The following DPY30 variants were observed in gnomAD, a reference collection of about 807,000 sequenced individuals.
DPY30 encodes the protein dpy-30 histone methyltransferase complex regulatory subunit.
In DPY30, 6 loss-of-function variants were observed where a neutral mutation model predicts 16.2. The observed-to-expected ratio is 0.37, with a 90% CI of 0.20 to 0.73. DPY30 has a LOEUF of 0.73. Among genes scored for constraint, DPY30 ranks in the 30% least tolerant of loss-of-function variants. DPY30 has a pLI of 0.51. For synonymous variants in DPY30, 39 were observed against 38.8 expected, an observed-to-expected ratio of 1.00 and a Z score of -0.02; for missense variants, 73 against 113.1, an observed-to-expected ratio of 0.65 and a Z score of 1.61.
At chr2:32,022,127 T>C (rs566460540), downstream of DPY30, among the ~76,000 whole-genome samples, 1 of 151,956 alleles carries the variant, frequency 6.6e-6, no homozygotes, top group South Asian at 2.1e-4. Flanking sequence ...GGAGAATCAC[T>C]TGAGCCTGGG....
Position 32,039,424 on chromosome 2 carries a change from C to T in DPY30, c.33G>A (p.Thr11=), listed in dbSNP as rs1362117176. 1 of 1,614,164 alleles carries T rather than the reference C, an allele frequency of 6.2e-7. No homozygotes were observed. Among genetic ancestry groups the T allele is most frequent in the South Asian group, 1.1e-5 (1 of 91,074 alleles). MEPEQMLEGQ[T]QVAENPHSEY... Reference sequence around the variant, plus strand: ...TGAATCCACGGCCTCCTGATACCTGCGTTTGTCCCTCCAGCATCTGCTCTG... The same window carrying T: ...TGAATCCACGGCCTCCTGATACCTGTGTTTGTCCCTCCAGCATCTGCTCTG... The change falls in exon 2 of 5, where the codon ACG becomes ACA. Residue 11 remains threonine (T), a synonymous_variant. Coordinates refer to ENST00000342166, the MANE Select transcript of DPY30 (RefSeq NM_001321209.2).
intron 4 of DPY30, among the ~76,000 whole-genome samples, chr2:32,025,254 G>A (rs1271451701): frequency 6.6e-6 from 1 of 152,022 alleles, no homozygotes; most frequent in African/African-American, 2.4e-5. Context: ...CATGAGGTCA[G>A]GAGTTCAAGA....
chr2:32,028,112 CTTTTTT>C (rs1159330100), intron 4 of DPY30, among the ~76,000 whole-genome samples: 1 of 136,208 alleles, frequency 7.3e-6, no homozygotes, highest in African/African-American at 2.7e-5. Flanking sequence ...GATATATTTC[CTTTTTT>C]TTTTTTTTTT....
At chr2:32,038,985 C>G (rs1291857117) in intron 3 of DPY30, among the ~76,000 whole-genome samples, 1 of 152,088 alleles carries the variant, frequency 6.6e-6, no homozygotes, top group Non-Finnish European at 1.5e-5. Context: ...TTTTACGTAG[C>G]AACATCCCAA....
intron 4 of DPY30, among the ~76,000 whole-genome samples, 180 bp from the exon 5 acceptor site, chr2:32,024,436 G>T (rs527315745): frequency 3.9e-5 from 6 of 152,292 alleles, no homozygotes; most frequent in Non-Finnish European, 7.4e-5. Flanking sequence ...CAACAAAATA[G>T]TTTAATGAGA....
At chr2:32,035,912 G>A (rs577789276) in intron 3 of DPY30, among the ~76,000 whole-genome samples, 19 of 140,476 alleles carry the variant, frequency 1.4e-4, no homozygotes, top group African/African-American at 4.5e-4. Context: ...CCAACCTGGC[G>A]ACAGAGCAAG....
At chr2:32,016,661 A>G (rs1225439367) in intron 5 of DPY30, among the ~76,000 whole-genome samples, 3 of 151,558 alleles carry the variant, frequency 2.0e-5, no homozygotes, top group Non-Finnish European at 2.9e-5. Context: ...CAAGGTTTCT[A>G]TTTCCTCCAG....
downstream of DPY30, among the ~76,000 whole-genome samples, chr2:32,020,450 T>G (rs1183243040): frequency 6.6e-6 from 1 of 150,516 alleles, no homozygotes; most frequent in East Asian, 2.0e-4. Context: ...GCTTCAAGGT[T>G]GCAGTGAGCT....
chr2:32,014,719 G>A (rs1001524278), intron 5 of DPY30, among the ~76,000 whole-genome samples: 7 of 151,676 alleles, frequency 4.6e-5, no homozygotes, highest in African/African-American at 1.7e-4. Context: ...TCCTGACCTC[G>A]TGATCTGCCC....
intron 4 of DPY30, among the ~76,000 whole-genome samples, chr2:32,027,661 C>T (rs1675383356): frequency 7.4e-6 from 1 of 135,314 alleles, no homozygotes; most frequent in African/African-American, 2.8e-5. Flanking sequence ...GACGGAGTCG[C>T]TCTGTTGCCC....
downstream of DPY30, among the ~76,000 whole-genome samples, chr2:32,019,310 C>T (rs933340570): frequency 3.9e-5 from 6 of 152,032 alleles, no homozygotes; most frequent in Admixed American, 2.6e-4. Context: ...ACTAGTTTTT[C>T]CATCAAAGAA....
downstream of DPY30, among the ~76,000 whole-genome samples, chr2:32,022,204 T>C (rs1484056752): frequency 7.5e-5 from 11 of 147,084 alleles, no homozygotes; most frequent in Admixed American, 1.4e-4. Context: ...AGCGAGACCT[T>C]GTCTCAAAAA....
intron 5 of DPY30, among the ~76,000 whole-genome samples, chr2:32,012,640 G>A (rs1266029264): frequency 1.3e-5 from 2 of 151,916 alleles, no homozygotes; most frequent in African/African-American, 4.8e-5. Context: ...GTTTCACCAT[G>A]TTGGCCAGGG....
At position 32,029,684 on chromosome 2, in the gene DPY30, A is replaced by G. The variant is rs1675460842; in HGVS notation, c.137T>C (p.Val46Ala). Reference sequence around the variant, plus strand: ...ACGAGTTGGCAAAGACTGGAGATCTACCTTCTGCTTTGATGACTTTTCTGC... The same window carrying G: ...ACGAGTTGGCAAAGACTGGAGATCTGCCTTCTGCTTTGATGACTTTTCTGC... Reference protein sequence around the residue: ...INAEKSSKQKVDLQSLPTRAY... With the variant: ...INAEKSSKQKADLQSLPTRAY... Residue 46 changes from valine (V) to alanine (A), a missense_variant, in exon 4 of 5, where the codon GTA becomes GCA. By Grantham distance (64) the Val-to-Ala change is moderately conservative. Coordinates refer to ENST00000342166, the MANE Select transcript of DPY30 (RefSeq NM_001321209.2). The G allele has an allele frequency of 1.9e-6, 3 of 1,613,998 alleles. No homozygotes were observed. Among genetic ancestry groups the G allele is most frequent in the Non-Finnish European group, 2.5e-6 (3 of 1,180,004 alleles).
intron 5 of DPY30, among the ~76,000 whole-genome samples, chr2:32,017,476 G>A (rs1675086988): frequency 6.6e-6 from 1 of 151,922 alleles, no homozygotes; most frequent in South Asian, 2.1e-4. Flanking sequence ...AATTAGCCGG[G>A]CATGGTGGCA....
chr2:32,035,786 T>C (rs1156443460), intron 3 of DPY30, among the ~76,000 whole-genome samples: 3 of 150,996 alleles, frequency 2.0e-5, no homozygotes, highest in African/African-American at 7.3e-5. Context: ...ATACAAAAAT[T>C]AGCTGGGCAT....
chr2:32,015,096 C>A (rs1675039478), intron 5 of DPY30, among the ~76,000 whole-genome samples: 1 of 151,456 alleles, frequency 6.6e-6, no homozygotes, highest in Non-Finnish European at 1.5e-5. Flanking sequence ...AAAAAAAAAA[C>A]CTCTATTTTT....
chr2:32,030,553 C>G (rs1348922908), intron 3 of DPY30, among the ~76,000 whole-genome samples: 3 of 151,108 alleles, frequency 2.0e-5, no homozygotes, highest in African/African-American at 7.3e-5. Context: ...TGGCGTGAAC[C>G]TGGGAGGCGG....
chr2:32,029,747 CA>C lies in DPY30; in HGVS notation c.85-12del, dbSNP rs1341356683. ...ATTTTCTACTATTCTCTAGTGAATT[CA>C]AAAAAACAGTGCATGAACATTTCAA... On this transcript the variant is annotated splice_polypyrimidine_tract_variant and intron_variant, in intron 3 of 4. Coordinates refer to ENST00000342166, the MANE Select transcript of DPY30 (RefSeq NM_001321209.2). 1 of 1,610,564 alleles carries C rather than the reference CA, an allele frequency of 6.2e-7. No homozygotes were observed. The highest frequency in any genetic ancestry group is 1.1e-5 in the South Asian group (1 of 90,492).
Sources: allele counts gnomAD v4.1 joint callset (sites outside exome capture counted in the v4.1 genomes callset), GRCh38; gene constraint gnomAD v4.1.1; transcripts MANE v1.5; gene names NCBI Gene and HGNC (gene_info 2026-07-23, HGNC 2026-07-21).